Variants in NCKAP1L observed in about 807,000 individuals in gnomAD.
NCKAP1L encodes the protein NCK associated protein 1 like.
Under a neutral mutation model 139.2 loss-of-function variants are expected in NCKAP1L, and 53 were observed. The observed-to-expected ratio is 0.38, with a 90% confidence interval of 0.31 to 0.48. The LOEUF (loss-of-function observed/expected upper bound fraction) is 0.48. Among genes scored for constraint, NCKAP1L ranks in the 20% least tolerant of loss-of-function variants. NCKAP1L has a pLI of 0.98. For synonymous variants in NCKAP1L, 468 were observed against 499.7 expected (o/e 0.94, Z 0.85); for missense variants, 1,151 against 1,381.9 (o/e 0.83, Z 2.65).
chr12:54,531,623 G>A, intron 24 of NCKAP1L, 39 bp downstream of exon 24: 10 of 1,609,502 alleles, frequency 6.2e-6, no homozygotes, highest in Non-Finnish European at 8.5e-6. Context: ...AGGAGCTGTG[G>A]AATCACATTG....
intron 9 of NCKAP1L, among the ~76,000 whole-genome samples, chr12:54,513,090 G>C (rs1175730282): frequency 2.0e-5 from 3 of 152,166 alleles, no homozygotes; most frequent in Non-Finnish European, 4.4e-5. Flanking sequence ...AGACAGGGGA[G>C]TGACATGATC....
Position 54,509,754 on chromosome 12 carries a change from A to C in NCKAP1L, c.592A>C (p.Thr198Pro). ...KKLTEEFGPHTKAVSGALLSL... is the reference protein window; with the variant it reads ...KKLTEEFGPHPKAVSGALLSL... ...GCTGACAGAAGAGTTTGGGCCTCAC[A>C]CAAAGGCAAGTTCCCTGACAATGGA... Residue 198 changes from threonine (T) to proline (P), a missense_variant, in exon 6 of 31, where the codon ACA becomes CCA. Coordinates refer to ENST00000293373, the MANE Select transcript of NCKAP1L (RefSeq NM_005337.5). The C allele has an allele frequency of 6.2e-7, 1 of 1,614,214 alleles. No homozygotes were observed. Among genetic ancestry groups the C allele is most frequent in the Non-Finnish European group, 8.5e-7 (1 of 1,180,024 alleles).
intron 18 of NCKAP1L, among the ~76,000 whole-genome samples, chr12:54,522,395 C>A (rs896020273): frequency 2.6e-5 from 4 of 152,200 alleles, no homozygotes; most frequent in Non-Finnish European, 4.4e-5. Context: ...TCAGGGATGA[C>A]TAAAACATGA....
Position 54,500,735 on chromosome 12 carries a change from T to A in NCKAP1L, c.306+110T>A, listed in dbSNP as rs188092700. 26 of 729,152 alleles carry A rather than the reference T, an allele frequency of 3.6e-5. No homozygotes were observed. In the African/African-American group the frequency reaches 4.6e-4, roughly 13 times the overall value. The allele number at this position is 729,152 out of a possible 1,614,324, so 45.2% of individuals were successfully genotyped here. A position where few individuals can be genotyped will look rare whatever the true frequency, so the allele number is the denominator to read the frequency against. On this transcript the variant is annotated intron_variant, in intron 3 of 30. Coordinates refer to ENST00000293373, the MANE Select transcript of NCKAP1L (RefSeq NM_005337.5). ...CAAGTTCTTGAAAAAATGAGAGAGA[T>A]GTACTAATATGGAAGGATATCTAAG...
chr12:54,530,826 C>T (rs947520559), intron 22 of NCKAP1L, among the ~76,000 whole-genome samples: 1 of 152,204 alleles, frequency 6.6e-6, no homozygotes, highest in Non-Finnish European at 1.5e-5. Context: ...TATTTACTCT[C>T]ACATCAATTC....
intron 28 of NCKAP1L, chr12:54,536,672 AAAAG>A: frequency 8.2e-6 from 3 of 364,126 alleles, no homozygotes; most frequent in South Asian, 3.2e-5. Flanking sequence ...AAAGAAAAAA[AAAAG>A]AAAAGAAAAG....
At chr12:54,499,262 C>A in intron 1 of NCKAP1L, 93 bp from the exon 2 acceptor site, 1 of 807,306 alleles carries the variant, frequency 1.2e-6, no homozygotes, top group East Asian at 2.6e-5. Flanking sequence ...TTGCCTTTTC[C>A]TAAGACAGAT....
At chr12:54,525,444 GA>G (rs1359115272) in intron 20 of NCKAP1L, among the ~76,000 whole-genome samples, 4 of 152,182 alleles carry the variant, frequency 2.6e-5, no homozygotes, top group Non-Finnish European at 5.9e-5. Flanking sequence ...TCAGGAAGAT[GA>G]CAGTTTGATA....
At position 54,536,396 on chromosome 12, in the gene NCKAP1L, A is replaced by G. The variant is rs527811816; in HGVS notation, c.3073+151A>G. The G allele has an allele frequency of 5.0e-4, 294 of 589,900 alleles. 3 individuals carry two copies. In the African/African-American group the frequency reaches 5.1e-3, roughly 10 times the overall value. The allele number at this position is 589,900 out of a possible 1,614,324, so 36.5% of individuals were successfully genotyped here. ...ACTTGAAGGCTGGACACCGTGGCTC[A>G]TGCCTGTAATCCTAGCACTTTGGGA... On this transcript the variant is annotated intron_variant, in intron 28 of 30. Coordinates refer to ENST00000293373, the MANE Select transcript of NCKAP1L (RefSeq NM_005337.5).
chr12:54,521,320 A>C, intron 18 of NCKAP1L, 82 bp downstream of exon 18: 1 of 1,566,124 alleles, frequency 6.4e-7, no homozygotes, highest in South Asian at 1.2e-5. Flanking sequence ...TTTCCCTCTC[A>C]GATGCCAAGC....
rs372296172 is a variant in NCKAP1L at position 54,523,675 on chromosome 12, C to T, written c.2024+136C>T. The T allele has an allele frequency of 6.7e-5, 95 of 1,426,546 alleles. 1 individual carries two copies. The highest frequency in any genetic ancestry group is 5.3e-4 in the Admixed American group (22 of 41,430). The allele number at this position is 1,426,546 out of a possible 1,614,324, so 88.4% of individuals were successfully genotyped here. ...AGGGGCATGGAAAAGCACTTAAATGCGAATTTCCTACTTTGCCTTTGAAGT... is the reference window on the plus strand; with the variant it reads ...AGGGGCATGGAAAAGCACTTAAATGTGAATTTCCTACTTTGCCTTTGAAGT... On this transcript the variant is annotated intron_variant, in intron 19 of 30. Coordinates refer to ENST00000293373, the MANE Select transcript of NCKAP1L (RefSeq NM_005337.5).
At position 54,506,800 on chromosome 12, in the gene NCKAP1L, T is replaced by A. The variant is rs7487191; in HGVS notation, c.307-1053T>A. ...GGCAACATATTAAAAAAAAAAAATATATATATATATATATATATATATATT... is the reference window on the plus strand; with the variant it reads ...GGCAACATATTAAAAAAAAAAAATAAATATATATATATATATATATATATT... On this transcript the variant is annotated intron_variant, in intron 3 of 30. Transcript: ENST00000293373. Among the ~76,000 whole-genome samples the A allele has an allele frequency of 3.0e-3, 255 of 84,938 alleles. 3 individuals carry two copies. Among genetic ancestry groups the A allele is most frequent in the Middle Eastern group, 0.021 (3 of 146 alleles). The allele number at this position is 84,938 out of a possible 152,430, so 55.7% of individuals were successfully genotyped here. A position where few individuals can be genotyped will look rare whatever the true frequency, so the allele number is the denominator to read the frequency against.
intron 28 of NCKAP1L, among the ~76,000 whole-genome samples, chr12:54,536,728 AAC>A (rs1445803762): frequency 5.4e-5 from 8 of 147,786 alleles, no homozygotes; most frequent in Non-Finnish European, 1.2e-4. Flanking sequence ...AAAAAAAAAA[AAC>A]CAGAATGAGA....
intron 3 of NCKAP1L, among the ~76,000 whole-genome samples, chr12:54,503,740 G>A (rs556439856): frequency 3.2e-4 from 48 of 151,360 alleles, no homozygotes; most frequent in African/African-American, 1.1e-3. Flanking sequence ...TTGGGTTAAA[G>A]CGAGTCTCCT....
intron 16 of NCKAP1L, among the ~76,000 whole-genome samples, chr12:54,520,336 A>G (rs2120927438): frequency 6.6e-6 from 1 of 152,350 alleles, no homozygotes; most frequent in East Asian, 1.9e-4. Context: ...AAGAATGTGA[A>G]TTAACACTAC....
At chr12:54,523,730 G>C in intron 19 of NCKAP1L, 95 bp from the exon 20 acceptor site, 1 of 1,497,384 alleles carries the variant, frequency 6.7e-7, no homozygotes, top group South Asian at 1.3e-5. Flanking sequence ...TCTAGGCTGA[G>C]TATCCCTAGA....
intron 20 of NCKAP1L, among the ~76,000 whole-genome samples, chr12:54,525,994 T>C (rs1957022612): frequency 6.6e-6 from 1 of 152,188 alleles, no homozygotes; most frequent in Non-Finnish European, 1.5e-5. Flanking sequence ...TATAGCTGCA[T>C]GCCAGCCACG....
In NCKAP1L at chr12:54,509,890, C is replaced by T. The variant is rs758668029; in HGVS notation, c.640C>T (p.Arg214Ter). ...ALLSLHFLFVRRNQGAEQWRS... is the reference protein window; with the variant it reads ...ALLSLHFLFV Reference sequence around the variant, plus strand: ...CCTCTCTTTGCATTTCCTCTTTGTCCGAAGAAACCAGGGGGCTGAGCAGTG... The same window carrying T: ...CCTCTCTTTGCATTTCCTCTTTGTCTGAAGAAACCAGGGGGCTGAGCAGTG... Residue 214 changes from arginine to a stop codon, truncating the protein, a stop_gained, in exon 7 of 31, where the codon CGA becomes TGA. Coordinates refer to ENST00000293373, the MANE Select transcript of NCKAP1L (RefSeq NM_005337.5). LOFTEE classifies it high-confidence loss of function. 14 of 1,614,164 alleles carry T rather than the reference C, an allele frequency of 8.7e-6. No homozygotes were observed. Among genetic ancestry groups the T allele is most frequent in the Non-Finnish European group, 1.0e-5 (12 of 1,180,036 alleles).
Position 54,521,118 on chromosome 12 carries a change from G to A in NCKAP1L, c.1759-1G>A. The A allele has an allele frequency of 6.2e-7, 1 of 1,613,962 alleles. No individual in the cohort carries two copies. Among genetic ancestry groups the A allele is most frequent in the Non-Finnish European group, 8.5e-7 (1 of 1,179,974 alleles). On this transcript the variant is annotated splice_acceptor_variant, in intron 17 of 30. Transcript: ENST00000293373. LOFTEE classifies it high-confidence loss of function. ...TCTTCTTTGGTCCCTCTTTCCCATA[G>A]TACCCCCACCTCAAGAACCATGGTC...
Sources: gnomAD v4.1 joint callset for allele counts (sites outside exome capture counted in the v4.1 genomes callset) on GRCh38, gnomAD v4.1.1 for gene constraint, MANE v1.5 for transcripts, NCBI Gene and HGNC (gene_info 2026-07-23, HGNC 2026-07-21) for gene names.